Variants in PCDHGA6 observed in about 807,000 individuals in gnomAD.
PCDHGA6 encodes the protein protocadherin gamma-A6.
Under a neutral mutation model 60.6 loss-of-function variants are expected in PCDHGA6, and 41 were observed. The ratio of observed to expected loss-of-function variants is 0.68; its 90% CI spans 0.53 to 0.88. PCDHGA6 has a LOEUF of 0.88. PCDHGA6 is among the 40% of genes least tolerant of loss of function. The pLI, the probability that PCDHGA6 is intolerant of heterozygous loss-of-function variation, is 0.00. For missense variants in PCDHGA6, 1,312 were observed against 1,203.0 expected (o/e 1.09, Z -1.34); for synonymous variants, 594 against 524.4 (o/e 1.13, Z -1.81).
chr5:141,415,648 A>G (rs1403877896), intron 1 of PCDHGA6: 1 of 1,598,772 alleles, frequency 6.3e-7, no homozygotes, highest in African/African-American at 1.4e-5. Flanking sequence ...TGTTAAAAAA[A>G]AAAAGATTGG....
chr5:141,389,504 C>A (rs564944158), intron 1 of PCDHGA6: 1 of 1,613,088 alleles, frequency 6.2e-7, no homozygotes, highest in African/African-American at 1.3e-5. Flanking sequence ...CGCCAGCGCT[C>A]AGCGCGAACG....
intron 1 of PCDHGA6, among the ~76,000 whole-genome samples, chr5:141,420,701 T>C (rs371823252): frequency 7.2e-5 from 11 of 152,226 alleles, no homozygotes; most frequent in Admixed American, 5.9e-4. Flanking sequence ...TATTTCCACT[T>C]CCAGAAATGT....
rs530261329 is a variant in PCDHGA6, at chr5:141,440,076, A to G, written c.2425-54731A>G. 2.4e-4 allele frequency: 37 copies of G among 152,560 alleles called. No individual in the cohort carries two copies. In the South Asian group the frequency reaches 3.7e-3, roughly 15 times the overall value. The allele number at this position is 152,560 out of a possible 1,614,324, so 9.5% of individuals were successfully genotyped here. On this transcript the variant is annotated intron_variant, in intron 1 of 3. Coordinates refer to ENST00000517434, the MANE Select transcript of PCDHGA6 (RefSeq NM_018919.3). Reference sequence around the variant, plus strand: ...CTTCGGGTTAATGCTGAGGAATAATACTTCATTCTAAGTGGGGAAAGTGGA... The same window carrying G: ...CTTCGGGTTAATGCTGAGGAATAATGCTTCATTCTAAGTGGGGAAAGTGGA...
rs2097401329 is a variant in PCDHGA6 at position 141,431,623 on chromosome 5, G to A, written c.2424+55116G>A. 1 of 1,614,192 alleles carries A rather than the reference G, an allele frequency of 6.2e-7. No homozygotes were observed. The highest frequency in any genetic ancestry group is 1.7e-5 in the Admixed American group (1 of 60,028). On this transcript the variant is annotated intron_variant, in intron 1 of 3. Coordinates refer to ENST00000517434, the MANE Select transcript of PCDHGA6 (RefSeq NM_018919.3). This position sits in a 1 kb window ranked among gnomAD's most constrained non-coding sequence, Gnocchi z 4.8. ...CCTTCCGGTATGTGGACGACAAGGC[G>A]GCCCAAGTTTTCAAACTAGATTGTA...
chr5:141,441,195 A>C (rs1160365905), intron 1 of PCDHGA6: 1 of 152,224 alleles, frequency 6.6e-6, no homozygotes, highest in Non-Finnish European at 1.5e-5. Context: ...TGATTCCCAA[A>C]GATTCTGCAC....
chr5:141,409,666 C>T, intron 1 of PCDHGA6: 3 of 1,613,554 alleles, frequency 1.9e-6, no homozygotes, highest in Non-Finnish European at 2.5e-6. Flanking sequence ...GCCACATCTC[C>T]TACTCTATAG....
In PCDHGA6 at chr5:141,490,242, T is replaced by G. The variant is rs2099697678; in HGVS notation, c.2425-4565T>G. 6.2e-7 allele frequency: 1 copy of G among 1,614,194 alleles called. No individual in the cohort carries two copies. The highest frequency in any genetic ancestry group is 8.5e-7 in the Non-Finnish European group (1 of 1,180,028). ...GACAGCCTGCCATGGAGGGCCACTG[T>G]GTGATTCAAGTGGATGTGGGGGATG... On this transcript the variant is annotated intron_variant, in intron 1 of 3. Transcript: ENST00000517434. The surrounding 1 kb of genome is among the most constrained non-coding windows in gnomAD (Gnocchi z 5.4).
At chr5:141,464,759 ACAGG>A (rs2099090169) in intron 1 of PCDHGA6, among the ~76,000 whole-genome samples, 1 of 152,158 alleles carries the variant, frequency 6.6e-6, no homozygotes, top group Non-Finnish European at 1.5e-5. Context: ...TTTTTTAGAG[ACAGG>A]AATCTTGTTC....
At chr5:141,500,729 C>T (rs1434863449) in intron 2 of PCDHGA6, among the ~76,000 whole-genome samples, 2 of 152,130 alleles carry the variant, frequency 1.3e-5, no homozygotes, top group Non-Finnish European at 2.9e-5. Flanking sequence ...CCATGTCTTT[C>T]AAAATTCTTC....
intron 2 of PCDHGA6, among the ~76,000 whole-genome samples, chr5:141,500,894 C>CAG (rs10656935): frequency 0.58 from 88,074 of 150,994 alleles, 27,125 homozygotes; most frequent in African/African-American, 0.78. Flanking sequence ...TTTTTTGAGA[C>CAG]AGTCTCGCTC....
chr5:141,392,145 C>T (rs2150471723), intron 1 of PCDHGA6: 1 of 152,264 alleles, frequency 6.6e-6, no homozygotes, highest in East Asian at 1.9e-4. Context: ...GTAGTTTAAA[C>T]CAAATAAAAC....
chr5:141,403,079 T>C (rs770770660), intron 1 of PCDHGA6: 3 of 1,614,064 alleles, frequency 1.9e-6, no homozygotes, highest in Non-Finnish European at 1.7e-6. Flanking sequence ...AGAAAAGGGC[T>C]ATATTGTGGG....
At chr5:141,405,442 C>A in intron 1 of PCDHGA6, 1 of 1,378,146 alleles carries the variant, frequency 7.3e-7, no homozygotes, top group Non-Finnish European at 1.0e-6. Context: ...GTTTTTGAGA[C>A]AGAGTCTTAC....
In PCDHGA6 at chr5:141,389,878, G is replaced by A. The variant is rs1369885786; in HGVS notation, c.2424+13371G>A. On this transcript the variant is annotated intron_variant, in intron 1 of 3. Coordinates refer to ENST00000517434, the MANE Select transcript of PCDHGA6 (RefSeq NM_018919.3). ...ACGTTGCACCTGGTCTTCGCCGACA[G>A]CTTGCAGGAGGTGCTGCCGGATATC... The A allele has an allele frequency of 6.2e-7, 1 of 1,613,972 alleles. No individual in the cohort carries two copies. The highest frequency in any genetic ancestry group is 1.3e-5 in the African/African-American group (1 of 74,952).
chr5:141,392,812 C>T (rs2092600989), intron 1 of PCDHGA6: 2 of 1,583,404 alleles, frequency 1.3e-6, no homozygotes, highest in East Asian at 4.5e-5. Flanking sequence ...AGCAAAACAA[C>T]AATGGCCGCT....
chr5:141,427,023 G>A, intron 1 of PCDHGA6: 1 of 456,968 alleles, frequency 2.2e-6, no homozygotes, highest in Non-Finnish European at 4.4e-6. Flanking sequence ...TGTATACAAA[G>A]TCAGCCTTAG....
chr5:141,414,106 CTAGA>C, intron 1 of PCDHGA6: 1 of 1,592,656 alleles, frequency 6.3e-7, no homozygotes, highest in Non-Finnish European at 8.6e-7. Flanking sequence ...ATCAGAAAAT[CTAGA>C]TTATGAAGAA....
At position 141,393,662 on chromosome 5, in the gene PCDHGA6, A is replaced by T. The variant is rs1442061423; in HGVS notation, c.2424+17155A>T. The T allele has an allele frequency of 8.7e-6, 14 of 1,613,816 alleles. No individual in the cohort carries two copies. In the Admixed American group the frequency reaches 2.3e-4, roughly 27 times the overall value. On this transcript the variant is annotated intron_variant, in intron 1 of 3. Transcript: ENST00000517434. ...GAAAAGTGGCATACAAATTCCGGAAAATTAATGAAAAACAAACTCCGTTAT... is the reference window on the plus strand; with the variant it reads ...GAAAAGTGGCATACAAATTCCGGAATATTAATGAAAAACAAACTCCGTTAT...
At chr5:141,484,120 C>A (rs1158603108) in intron 1 of PCDHGA6, among the ~76,000 whole-genome samples, 1 of 152,146 alleles carries the variant, frequency 6.6e-6, no homozygotes, top group African/African-American at 2.4e-5. Flanking sequence ...ATCAAGAATA[C>A]CTTGGTGTCA....
Sources: gnomAD v4.1 joint callset for allele counts (sites outside exome capture counted in the v4.1 genomes callset) on GRCh38, gnomAD v4.1.1 for gene constraint, Gnocchi (gnomAD v3.1) non-coding constraint, MANE v1.5 for transcripts, NCBI Gene and HGNC (gene_info 2026-07-23, HGNC 2026-07-21) for gene names.